The following CMTR1 variants were observed in gnomAD, a reference collection of about 807,000 sequenced individuals.
The protein encoded by CMTR1 is cap methyltransferase 1.
CMTR1 carries 39 observed loss-of-function variants against 107.0 expected under a neutral mutation model. That is an observed-to-expected ratio of 0.36 (90% CI 0.28 to 0.48). The LOEUF (loss-of-function observed/expected upper bound fraction) is 0.48. Ranked by LOEUF, CMTR1 falls within the 20% of genes least tolerant of loss-of-function variation. The pLI is 0.99. For synonymous variants in CMTR1, 366 were observed against 379.5 expected, an observed-to-expected ratio of 0.96 and a Z score of 0.41; for missense variants, 672 against 1,064.9, an observed-to-expected ratio of 0.63 and a Z score of 5.14.
rs201399989 is a variant in CMTR1 at position 37,446,402 on chromosome 6, C to T, written c.397C>T (p.Arg133Trp). Residue 133 changes from arginine (R) to tryptophan (W), a missense_variant, in exon 4 of 24, where the codon CGG becomes TGG. Transcript: ENST00000373451. ...TCGAAGAGGCTTGGGTCTGACACTCCGGGGCTTTGACCAGGAGCTGAACGT... is the reference window on the plus strand; with the variant it reads ...TCGAAGAGGCTTGGGTCTGACACTCTGGGGCTTTGACCAGGAGCTGAACGT... ...KGRRGLGLTL[R>W]GFDQELNVDW... is the part of the protein sequence containing the mutation. 14 of 1,614,056 alleles carry T rather than the reference C, an allele frequency of 8.7e-6. No homozygotes were observed. The highest frequency in any genetic ancestry group is 1.7e-5 in the Admixed American group (1 of 60,012).
At chr6:37,445,665 A>G (rs1771769428) in intron 3 of CMTR1, among the ~76,000 whole-genome samples, 1 of 151,216 alleles carries the variant, frequency 6.6e-6, no homozygotes, top group Non-Finnish European at 1.5e-5. Flanking sequence ...ATTTTTTTGT[A>G]TTTTTGGTAG....
intron 13 of CMTR1, among the ~76,000 whole-genome samples, chr6:37,463,696 C>T (rs1761446602): frequency 6.6e-6 from 1 of 152,056 alleles, no homozygotes; most frequent in Non-Finnish European, 1.5e-5. Context: ...AACCTTAAGT[C>T]CCCCAGAGAA....
At chr6:37,443,447 C>G (rs546470941) in intron 2 of CMTR1, among the ~76,000 whole-genome samples, 2 of 151,972 alleles carry the variant, frequency 1.3e-5, no homozygotes, top group Non-Finnish European at 2.9e-5. Context: ...TTCTGCCTCC[C>G]GGGTTCAAGC....
intron 13 of CMTR1, among the ~76,000 whole-genome samples, chr6:37,466,315 G>A (rs756044776): frequency 2.1e-4 from 32 of 151,900 alleles, no homozygotes; most frequent in Non-Finnish European, 2.1e-4. Flanking sequence ...GTTTCACCAT[G>A]TTGGCCAGGA....
intron 21 of CMTR1, among the ~76,000 whole-genome samples, chr6:37,477,935 C>G (rs541553525): frequency 6.6e-6 from 1 of 152,310 alleles, no homozygotes; most frequent in African/African-American, 2.4e-5. Flanking sequence ...GAGCAGCAAG[C>G]TGCTTGAAAT....
At chr6:37,425,594 T>A in the CMTR1 span, among the ~76,000 whole-genome samples, 2 of 152,134 alleles carry the variant, frequency 1.3e-5, no homozygotes, top group African/African-American at 4.8e-5. Flanking sequence ...TTTAGCAATA[T>A]ATTCTTGAAT....
chr6:37,443,914 C>T (rs1196092373), intron 2 of CMTR1, 85 bp from the exon 3 acceptor site: 1 of 1,441,876 alleles, frequency 6.9e-7, no homozygotes, highest in East Asian at 2.3e-5. Flanking sequence ...GTATACTGAA[C>T]AGTAGTTGAA....
the CMTR1 span, among the ~76,000 whole-genome samples, chr6:37,425,094 A>G: frequency 6.6e-6 from 1 of 151,280 alleles, no homozygotes; most frequent in Non-Finnish European, 1.5e-5. Context: ...GATTACAGGC[A>G]CCCACCACCC....
Position 37,468,698 on chromosome 6 carries a change from A to T in CMTR1, c.1506-2323A>T, listed in dbSNP as rs147933942. Among the ~76,000 whole-genome samples, 637 of 151,730 alleles carry T rather than the reference A, an allele frequency of 4.2e-3. 5 individuals carry two copies. Among genetic ancestry groups the T allele is most frequent in the African/African-American group, 0.014 (562 of 41,320 alleles). On this transcript the variant is annotated intron_variant, in intron 13 of 23. Coordinates refer to ENST00000373451, the MANE Select transcript of CMTR1 (RefSeq NM_015050.3). ...CAGGAGTTCGAGACCAGCCTGACCAACATGGTGAAACCCCGTCTCTACAAA... is the reference window on the plus strand; with the variant it reads ...CAGGAGTTCGAGACCAGCCTGACCATCATGGTGAAACCCCGTCTCTACAAA...
Position 37,476,260 on chromosome 6 carries a change from G to A in CMTR1, c.2105+66G>A, listed in dbSNP as rs909277567. The A allele has an allele frequency of 1.3e-5, 20 of 1,513,158 alleles. No homozygotes were observed. The African/African-American group carries it at 2.2e-4, about 17-fold the overall frequency. The allele number at this position is 1,513,158 out of a possible 1,614,324, so 93.7% of individuals were successfully genotyped here. A position where few individuals can be genotyped will look rare whatever the true frequency, so the allele number is the denominator to read the frequency against. ...AGTACCTGCTGCTCCCGTCCAGTGA[G>A]GGACAGGAGGGCTCAGTGGAGGGCA... On this transcript the variant is annotated intron_variant, in intron 20 of 23. Transcript: ENST00000373451.
intron 5 of CMTR1, among the ~76,000 whole-genome samples, chr6:37,451,231 A>G (rs539271874): frequency 6.6e-6 from 1 of 152,304 alleles, no homozygotes; most frequent in African/African-American, 2.4e-5. Flanking sequence ...CGCATAAACA[A>G]AAATTCTTCA....
intron 13 of CMTR1, 79 bp from the exon 14 acceptor site, chr6:37,470,942 C>A: frequency 1.6e-6 from 2 of 1,237,002 alleles, no homozygotes; most frequent in Admixed American, 2.3e-5. Context: ...CCACTGCTCC[C>A]GTTTAACCTC....
Position 37,461,959 on chromosome 6 carries a change from C to T in CMTR1, c.1193-11C>T, listed in dbSNP as rs556310068. 2 of 1,613,444 alleles carry T rather than the reference C, an allele frequency of 1.2e-6. No homozygotes were observed. Among genetic ancestry groups the T allele is most frequent in the Non-Finnish European group, 8.5e-7 (1 of 1,179,834 alleles). ...CCATTGGCTGCTTTTGGTGTTTTCT[C>T]TCTAATCTAGGAGGCCACTTCATCT... On this transcript the variant is annotated splice_polypyrimidine_tract_variant and intron_variant, in intron 11 of 23. Coordinates refer to ENST00000373451, the MANE Select transcript of CMTR1 (RefSeq NM_015050.3).
At chr6:37,454,244 T>A (rs559850434) in intron 8 of CMTR1, among the ~76,000 whole-genome samples, 1 of 152,204 alleles carries the variant, frequency 6.6e-6, no homozygotes, top group Admixed American at 6.5e-5. Flanking sequence ...ACCCCCTGAT[T>A]ATCCACTGGC....
At chr6:37,451,602 G>A (rs1347995290) in intron 5 of CMTR1, among the ~76,000 whole-genome samples, 2 of 152,088 alleles carry the variant, frequency 1.3e-5, no homozygotes, top group African/African-American at 4.8e-5. Flanking sequence ...GGGTGGGGGT[G>A]AGGGGGTGCT....
chr6:37,432,694 G>C (rs530269446), upstream of CMTR1, among the ~76,000 whole-genome samples: 1 of 152,342 alleles, frequency 6.6e-6, no homozygotes, highest in East Asian at 1.9e-4. Context: ...AGGTGACTGA[G>C]TGAGGATGTC....
rs1761428381 is a variant in CMTR1 at position 37,462,809 on chromosome 6, GAC to G, written c.1326-18_1326-17del. ...GGAGGAAGCCCTTGCTCGGTGGAGT[GAC>G]AGAGTATCTTCTGCCAGGTATGTGG... is the stretch of plus-strand genomic sequence containing the variant. On this transcript the variant is annotated intron_variant, in intron 12 of 23. Transcript: ENST00000373451. The G allele has an allele frequency of 6.2e-7, 1 of 1,610,548 alleles. No homozygotes were observed.
chr6:37,429,626 C>A (rs1771337222), upstream of CMTR1, among the ~76,000 whole-genome samples: 1 of 152,058 alleles, frequency 6.6e-6, no homozygotes, highest in Non-Finnish European at 1.5e-5. Flanking sequence ...AGTTTGCATC[C>A]CCATGACTGA....
chr6:37,476,687 G>T (rs754546111), intron 20 of CMTR1, among the ~76,000 whole-genome samples: 5 of 152,196 alleles, frequency 3.3e-5, no homozygotes, highest in Non-Finnish European at 7.3e-5. Flanking sequence ...AGGAGGAAGA[G>T]AACAGAGTCA....
Sources: gnomAD v4.1 joint callset for allele counts (sites outside exome capture counted in the v4.1 genomes callset) on GRCh38, gnomAD v4.1.1 for gene constraint, MANE v1.5 for transcripts, NCBI Gene and HGNC (gene_info 2026-07-23, HGNC 2026-07-21) for gene names.